The following UBA3 variants were observed in gnomAD, a reference collection of about 807,000 sequenced individuals.
UBA3 encodes the protein NEDD8-activating enzyme E1 catalytic subunit.
UBA3 carries 26 observed loss-of-function variants against 73.5 expected under a neutral mutation model. The observed-to-expected ratio is 0.35, with a 90% confidence interval of 0.26 to 0.49. The LOEUF (loss-of-function observed/expected upper bound fraction) is 0.49. UBA3 is among the 20% of genes least tolerant of loss of function. UBA3 has a pLI of 0.98. For missense variants in UBA3, 495 were observed against 555.6 expected (o/e 0.89, Z 1.10); for synonymous variants, 217 against 191.2 (o/e 1.13, Z -1.11).
chr3:69,073,280 C>T (rs1017820535), intron 4 of UBA3, among the ~76,000 whole-genome samples: 3 of 152,180 alleles, frequency 2.0e-5, no homozygotes, highest in African/African-American at 7.2e-5. Context: ...AAAAATGCTC[C>T]CCCAACCCAC....
In UBA3 at chr3:69,077,900, C is replaced by A; in HGVS notation, c.81G>T (p.Gly27=). Residue 27 remains glycine, a synonymous_variant, in exon 3 of 18, where the codon GGG becomes GGT. Coordinates refer to ENST00000361055, the MANE Select transcript of UBA3 (RefSeq NM_003968.4). ...CTTCCCAGTCTCCAGTGTCCCCACACCCACCATCAACAGCCATTCTGCACA... is the reference window on the plus strand; with the variant it reads ...CTTCCCAGTCTCCAGTGTCCCCACAACCACCATCAACAGCCATTCTGCACA... ...LLAEKMAVDG[G]CGDTGDWEGR... The A allele has an allele frequency of 6.2e-7, 1 of 1,614,068 alleles. No homozygotes were observed. The highest frequency in any genetic ancestry group is 8.5e-7 in the Non-Finnish European group (1 of 1,180,016).
At chr3:69,061,128 T>C (rs1478573744) in intron 11 of UBA3, among the ~76,000 whole-genome samples, 3 of 152,236 alleles carry the variant, frequency 2.0e-5, no homozygotes, top group African/African-American at 7.2e-5. Context: ...CCTCAATATG[T>C]TAAAAGCTAT....
At chr3:69,079,990 C>T in intron 2 of UBA3, 122 bp downstream of exon 2, 2 of 883,392 alleles carry the variant, frequency 2.3e-6, no homozygotes, top group East Asian at 2.7e-5. Flanking sequence ...TGAGGCAGCG[C>T]GGCCTGCGCT....
chr3:69,072,680 G>A (rs2092129819), intron 4 of UBA3, among the ~76,000 whole-genome samples: 2 of 152,156 alleles, frequency 1.3e-5, no homozygotes, highest in Non-Finnish European at 2.9e-5. Flanking sequence ...TTGTTCTGGT[G>A]ATCTCAGACC....
chr3:69,080,036 C>A (rs1425360936), intron 2 of UBA3, 76 bp downstream of exon 2: 1 of 1,401,452 alleles, frequency 7.1e-7, no homozygotes, highest in Non-Finnish European at 9.8e-7. Context: ...GGGCCCGCTG[C>A]GGCTGGTCCC....
Position 69,077,806 on chromosome 3 carries a change from T to C in UBA3, c.175A>G (p.Ser59Gly). ...AAATAAACGTTTCTCACTTCAGTGC[T>C]CGGTTCGAAATCAGGGTGTGTGAAG... ...GPFTHPDFEPSTESLQFLLDT... is the reference protein window; with the variant it reads ...GPFTHPDFEPGTESLQFLLDT... Residue 59 changes from serine (S) to glycine (G), a missense_variant, in exon 3 of 18, where the codon AGC (serine) becomes GGC (glycine). Coordinates refer to ENST00000361055, the MANE Select transcript of UBA3 (RefSeq NM_003968.4). The C allele has an allele frequency of 6.2e-7, 1 of 1,613,026 alleles. No individual in the cohort carries two copies. The highest frequency in any genetic ancestry group is 8.5e-7 in the Non-Finnish European group (1 of 1,179,406).
Position 69,063,493 on chromosome 3 carries a change from A to G in UBA3, c.483T>C (p.Ile161=), listed in dbSNP as rs1327029162. ...TGATAGAGTCCAGTCCACATACAAT[A>G]ATATGAAATTCTACAAAAAAAAAAA... ...FNDTFYRQFH[I]IVCGLDSIIA... The change falls in exon 8 of 18, where the codon ATT becomes ATC. Residue 161 remains isoleucine, a synonymous_variant. Transcript: ENST00000361055. 3.2e-6 allele frequency: 5 copies of G among 1,558,702 alleles called. No individual in the cohort carries two copies. Among genetic ancestry groups the G allele is most frequent in the Non-Finnish European group, 3.4e-6 (4 of 1,162,164 alleles).
At chr3:69,056,895 T>C in intron 12 of UBA3, 80 bp from the exon 13 acceptor site, 4 of 1,418,134 alleles carry the variant, frequency 2.8e-6, no homozygotes, top group Non-Finnish European at 3.9e-6. Flanking sequence ...TCAGAACAGA[T>C]AAATTTACAT....
intron 7 of UBA3, among the ~76,000 whole-genome samples, 184 bp downstream of exon 7, chr3:69,063,883 AG>A (rs1220643124): frequency 1.3e-5 from 2 of 152,204 alleles, no homozygotes; most frequent in African/African-American, 4.8e-5. Context: ...AGAAACTTGT[AG>A]CTGGTCATGT....
At chr3:69,075,730 CTTTTT>C (rs60272924) in intron 3 of UBA3, among the ~76,000 whole-genome samples, 3 of 149,600 alleles carry the variant, frequency 2.0e-5, no homozygotes, top group Admixed American at 2.0e-4. Context: ...GTTAATTTTT[CTTTTT>C]TTTTTCTTTT....
Position 69,063,088 on chromosome 3 carries a change from A to G in UBA3, c.587T>C (p.Val196Ala), listed in dbSNP as rs771572711. The G allele has an allele frequency of 6.2e-7, 1 of 1,613,986 alleles. No homozygotes were observed. The highest frequency in any genetic ancestry group is 1.3e-5 in the African/African-American group (1 of 74,928). Residue 196 changes from valine to alanine, a missense_variant, in exon 9 of 18, where the codon GTC becomes GCC. Physicochemically the swap from Val to Ala is moderately conservative, Grantham distance 64. Coordinates refer to ENST00000361055, the MANE Select transcript of UBA3 (RefSeq NM_003968.4). ...TTCTGTCCCCCCATCTATCAAAGGG[A>G]CAATGGAGCTTGGATCTAAGACACC... ...EDGVLDPSSI[V>A]PLIDGGTEGF...
chr3:69,067,211 C>T (rs898595674), intron 6 of UBA3, among the ~76,000 whole-genome samples: 1 of 152,168 alleles, frequency 6.6e-6, no homozygotes, highest in Admixed American at 6.5e-5. Flanking sequence ...TGGACTATCT[C>T]TCCATTTATT....
intron 6 of UBA3, among the ~76,000 whole-genome samples, chr3:69,064,663 G>C (rs2092052714): frequency 6.6e-6 from 1 of 152,100 alleles, no homozygotes. Flanking sequence ...ATTTAACTCA[G>C]TTTTCAAGTT....
At chr3:69,070,805 C>T (rs376410615) in intron 5 of UBA3, among the ~76,000 whole-genome samples, 26 of 152,028 alleles carry the variant, frequency 1.7e-4, no homozygotes, top group African/African-American at 3.6e-4. Context: ...GGTGCACACC[C>T]GGCTAATTTT....
intron 11 of UBA3, 136 bp from the exon 12 acceptor site, chr3:69,057,445 C>T: frequency 1.3e-6 from 1 of 747,488 alleles, no homozygotes; most frequent in Admixed American, 3.0e-5. Context: ...ATAAATTTAA[C>T]CATGAAACAA....
intron 9 of UBA3, 117 bp from the exon 10 acceptor site, chr3:69,062,296 G>A: frequency 1.4e-6 from 1 of 700,498 alleles, no homozygotes; most frequent in South Asian, 1.8e-5. Flanking sequence ...TCAAAATATT[G>A]TATACCATTA....
chr3:69,080,007 G>T, intron 2 of UBA3, 105 bp downstream of exon 2: 1 of 1,076,794 alleles, frequency 9.3e-7, no homozygotes, highest in Non-Finnish European at 1.3e-6. Flanking sequence ...CGCTCCGGGT[G>T]TCCCCCTCCC....
At chr3:69,068,658 C>T (rs1198821292) in intron 5 of UBA3, among the ~76,000 whole-genome samples, 1 of 152,052 alleles carries the variant, frequency 6.6e-6, no homozygotes, top group African/African-American at 2.4e-5. Flanking sequence ...TCTCGGCTCA[C>T]TGCAACCTCC....
chr3:69,066,867 A>T lies in UBA3; in HGVS notation c.428+1061T>A, dbSNP rs1044419221. 3.8e-4 allele frequency among the ~76,000 whole-genome samples: 58 copies of T among 152,224 alleles called. 1 individual carries two copies. The highest frequency in any genetic ancestry group is 1.2e-3 in the African/African-American group (49 of 41,534). On this transcript the variant is annotated intron_variant, in intron 6 of 17. Transcript: ENST00000361055. Reference sequence around the variant, plus strand: ...TGAAGACTATGCTTCTTCCATTGGAACTGTTTTGCACCTTTATCAAAAACA... The same window carrying T: ...TGAAGACTATGCTTCTTCCATTGGATCTGTTTTGCACCTTTATCAAAAACA...
Sources: gnomAD v4.1 joint callset for allele counts (sites outside exome capture counted in the v4.1 genomes callset) on GRCh38, gnomAD v4.1.1 for gene constraint, MANE v1.5 for transcripts, NCBI Gene and HGNC (gene_info 2026-07-23, HGNC 2026-07-21) for gene names.